The following CHRM3 variants were observed in gnomAD, a reference collection of about 807,000 sequenced individuals.
CHRM3 encodes the protein cholinergic receptor muscarinic 3, also known as muscarinic acetylcholine receptor M3.
A neutral mutation model predicts 41.8 loss-of-function variants in CHRM3; 11 were observed. The observed-to-expected ratio is 0.26, with a 90% CI of 0.17 to 0.44. CHRM3 has a LOEUF of 0.44. Ranked by LOEUF, CHRM3 falls within the 20% of genes least tolerant of loss-of-function variation. The pLI is 1.00. For synonymous variants in CHRM3, 297 were observed against 301.4 expected, an observed-to-expected ratio of 0.99 and a Z score of 0.15; for missense variants, 571 against 745.4, an observed-to-expected ratio of 0.77 and a Z score of 2.72.
intron 1 of CHRM3, among the ~76,000 whole-genome samples, chr1:239,405,767 A>C (rs116741740): frequency 2.3e-3 from 357 of 152,294 alleles, no homozygotes; most frequent in Non-Finnish European, 2.4e-3. Context: ...CTTTCATATG[A>C]GTGACAGAAG....
At chr1:239,733,108 C>T (rs1213875394) in intron 5 of CHRM3, among the ~76,000 whole-genome samples, 5 of 152,110 alleles carry the variant, frequency 3.3e-5, no homozygotes, top group Admixed American at 1.3e-4. Context: ...AAAGATGTTA[C>T]GGCACATTAT....
chr1:239,683,517 C>T (rs1054978739), intron 5 of CHRM3, among the ~76,000 whole-genome samples: 1 of 152,154 alleles, frequency 6.6e-6, no homozygotes, highest in African/African-American at 2.4e-5. Flanking sequence ...TTTCTTTTCA[C>T]CATTATTTTC....
At chr1:239,706,284 G>C (rs1326381096) in intron 5 of CHRM3, 1 of 151,250 alleles carries the variant, frequency 6.6e-6, no homozygotes, top group Non-Finnish European at 1.5e-5. Context: ...TTATTTATGG[G>C]ATTGAAGGAA....
chr1:239,541,260 CATCTTCAAT>C (rs1293853985), intron 2 of CHRM3, among the ~76,000 whole-genome samples: 16 of 151,932 alleles, frequency 1.1e-4, no homozygotes, highest in Non-Finnish European at 1.8e-4. Context: ...TTTTTTTCTT[CATCTTCAAT>C]ATCTTCCTTT....
At chr1:239,725,761 C>G (rs1379998269) in intron 5 of CHRM3, among the ~76,000 whole-genome samples, 1 of 151,902 alleles carries the variant, frequency 6.6e-6, no homozygotes, top group African/African-American at 2.4e-5. Flanking sequence ...AATTTGCAAA[C>G]TATTTCAAAA....
chr1:239,842,546 T>G (rs762750633), intron 6 of CHRM3, among the ~76,000 whole-genome samples: 1 of 152,142 alleles, frequency 6.6e-6, no homozygotes, highest in Non-Finnish European at 1.5e-5. Context: ...CCCTTCTTTC[T>G]TAATGATGAT....
chr1:239,708,619 T>A (rs1425596249), intron 5 of CHRM3, among the ~76,000 whole-genome samples: 1 of 152,100 alleles, frequency 6.6e-6, no homozygotes, highest in East Asian at 1.9e-4. Context: ...CCCATAATTT[T>A]GTGTGTTTAT....
rs1329033732 is a variant in CHRM3 at position 239,760,378 on chromosome 1, C to A, written c.-146-66874C>A. ...ATCATCTCTGAAATCCTTACTTTGCCTGAAAAAAAAATATGTAGTTTATTG... is the reference window on the plus strand; with the variant it reads ...ATCATCTCTGAAATCCTTACTTTGCATGAAAAAAAAATATGTAGTTTATTG... On this transcript the variant is annotated intron_variant, in intron 5 of 6. Coordinates refer to ENST00000676153, the MANE Select transcript of CHRM3 (RefSeq NM_001375978.1). 1.8e-4 allele frequency among the ~76,000 whole-genome samples: 27 copies of A among 151,634 alleles called. 1 individual carries two copies. Among genetic ancestry groups the A allele is most frequent in the Non-Finnish European group, 4.4e-5 (3 of 67,898 alleles).
At position 239,695,158 on chromosome 1, in the gene CHRM3, A is replaced by C. The variant is rs190910855; in HGVS notation, c.-147+16870A>C. 4.0e-3 allele frequency among the ~76,000 whole-genome samples: 606 copies of C among 152,102 alleles called. 3 individuals are homozygous for C. The highest frequency in any genetic ancestry group is 0.014 in the African/African-American group (578 of 41,504). ...CCTGAGTAGCTGGGACTACAGGCGC[A>C]TGCCACCACACCCAGCTAAGTTTTT... On this transcript the variant is annotated intron_variant, in intron 5 of 6. Coordinates refer to ENST00000676153, the MANE Select transcript of CHRM3 (RefSeq NM_001375978.1).
chr1:239,409,696 A>C (rs1660916012), intron 1 of CHRM3, among the ~76,000 whole-genome samples: 2 of 152,206 alleles, frequency 1.3e-5, no homozygotes, highest in South Asian at 2.1e-4. Flanking sequence ...CGGAATGTGC[A>C]CTTTGGGAGG....
intron 5 of CHRM3, among the ~76,000 whole-genome samples, chr1:239,768,421 A>T (rs1458029486): frequency 6.6e-6 from 1 of 152,152 alleles, no homozygotes; most frequent in African/African-American, 2.4e-5. Flanking sequence ...TTGGGAAGGG[A>T]TGGATGAAAA....
chr1:239,776,076 T>C (rs933023665), intron 5 of CHRM3, among the ~76,000 whole-genome samples: 4 of 152,258 alleles, frequency 2.6e-5, no homozygotes, highest in Non-Finnish European at 5.9e-5. Context: ...TTTATCTCTT[T>C]GCTTTCTTTG....
intron 5 of CHRM3, among the ~76,000 whole-genome samples, chr1:239,808,351 G>T (rs935883407): frequency 1.4e-4 from 22 of 152,110 alleles, no homozygotes; most frequent in African/African-American, 5.3e-4. Flanking sequence ...TTTATGGACA[G>T]GATTAATCTG....
chr1:239,556,829 A>C (rs1000700479), intron 3 of CHRM3, among the ~76,000 whole-genome samples: 2 of 152,196 alleles, frequency 1.3e-5, no homozygotes, highest in Non-Finnish European at 2.9e-5. Flanking sequence ...CTTTATTATT[A>C]ACTCTCCCTA....
At chr1:239,550,554 G>C (rs2148437540) in intron 3 of CHRM3, among the ~76,000 whole-genome samples, 1 of 152,236 alleles carries the variant, frequency 6.6e-6, no homozygotes, top group African/African-American at 2.4e-5. Context: ...AGATTTCTAT[G>C]AAATGTCTTT....
At chr1:239,850,725 T>C (rs1052126287) in intron 6 of CHRM3, among the ~76,000 whole-genome samples, 1 of 152,126 alleles carries the variant, frequency 6.6e-6, no homozygotes, top group Non-Finnish European at 1.5e-5. Context: ...AGTTCTCGTG[T>C]GATCTGATGG....
intron 4 of CHRM3, among the ~76,000 whole-genome samples, chr1:239,637,031 G>T (rs1313359621): frequency 6.6e-6 from 1 of 152,102 alleles, no homozygotes; most frequent in African/African-American, 2.4e-5. Context: ...TAAAGGAAGA[G>T]AAAATAAAAA....
intron 3 of CHRM3, among the ~76,000 whole-genome samples, chr1:239,598,089 A>G (rs774143456): frequency 1.3e-4 from 20 of 152,112 alleles, no homozygotes; most frequent in Non-Finnish European, 2.9e-4. Context: ...CCTGAAGGCC[A>G]GGGGCACACA....
chr1:239,498,188 C>A (rs1668005618), intron 2 of CHRM3, among the ~76,000 whole-genome samples: 1 of 152,020 alleles, frequency 6.6e-6, no homozygotes, highest in Admixed American at 6.6e-5. Context: ...TTTTGTTTAT[C>A]ATATATAAGT....
Sources: allele counts gnomAD v4.1 joint callset (sites outside exome capture counted in the v4.1 genomes callset), GRCh38; gene constraint gnomAD v4.1.1; transcripts MANE v1.5; gene names NCBI Gene and HGNC (gene_info 2026-07-23, HGNC 2026-07-21).